The following ADGRL2 variants were observed in gnomAD, a reference collection of about 807,000 sequenced individuals.
ADGRL2 encodes the protein calcium-independent alpha-latrotoxin receptor 2.
A neutral mutation model predicts 157.4 loss-of-function variants in ADGRL2; 44 were observed. The observed-to-expected ratio is 0.28, with a 90% confidence interval of 0.22 to 0.36. The LOEUF (loss-of-function observed/expected upper bound fraction) is 0.36, where lower values mean the gene tolerates loss of function less well. Ranked by LOEUF, ADGRL2 falls within the 10% of genes least tolerant of loss-of-function variation. The probability of loss-of-function intolerance (pLI) is 1.00; values close to 1 mark genes in which losing one functional copy is unlikely to be tolerated. For synonymous variants in ADGRL2, 585 were observed against 624.7 expected, an observed-to-expected ratio of 0.94 and a Z score of 0.95; for missense variants, 1,510 against 1,768.9, an observed-to-expected ratio of 0.85 and a Z score of 2.63.
At chr1:81,423,817 T>G (rs75660414) in intron 1 of ADGRL2, among the ~76,000 whole-genome samples, 2,499 of 152,236 alleles carry the variant, frequency 0.016, 72 homozygotes, top group African/African-American at 0.058. Flanking sequence ...CAACAACCCA[T>G]GTCATTACTG....
At chr1:81,596,468 C>A in intron 3 of ADGRL2, 2 of 455,506 alleles carry the variant, frequency 4.4e-6, no homozygotes, top group Non-Finnish European at 4.3e-6. Flanking sequence ...TTGTCACCTC[C>A]GGCTCCAAGG....
intron 3 of ADGRL2, among the ~76,000 whole-genome samples, chr1:81,920,678 T>C (rs2148591420): frequency 6.6e-6 from 1 of 152,264 alleles, no homozygotes; most frequent in South Asian, 2.1e-4. Flanking sequence ...GCACTGGAGT[T>C]CGCCTTCTCA....
intron 2 of ADGRL2, among the ~76,000 whole-genome samples, chr1:81,877,935 A>C (rs2093884388): frequency 6.6e-6 from 1 of 152,114 alleles, no homozygotes. Context: ...AAGAAAGAAA[A>C]ATCTCTGTAA....
chr1:81,308,425 G>A (rs1041065687), intron 1 of ADGRL2, among the ~76,000 whole-genome samples: 1 of 152,120 alleles, frequency 6.6e-6, no homozygotes, highest in Non-Finnish European at 1.5e-5. Context: ...CTTAACAGAT[G>A]GAAAGGTGCG....
chr1:81,348,698 T>A (rs1238974504), intron 1 of ADGRL2, among the ~76,000 whole-genome samples: 1 of 152,154 alleles, frequency 6.6e-6, no homozygotes, highest in Non-Finnish European at 1.5e-5. Flanking sequence ...CAAAGACTTC[T>A]CTTTCTTGCT....
intron 1 of ADGRL2, among the ~76,000 whole-genome samples, chr1:81,723,853 T>C (rs1396495642): frequency 6.6e-6 from 1 of 152,152 alleles, no homozygotes; most frequent in African/African-American, 2.4e-5. Context: ...TGCAGTAGAA[T>C]TGGAGTACTT....
intron 1 of ADGRL2, among the ~76,000 whole-genome samples, chr1:81,333,944 C>T (rs1661454775): frequency 6.6e-6 from 1 of 152,074 alleles, no homozygotes; most frequent in Non-Finnish European, 1.5e-5. Context: ...TTATTGGTAA[C>T]TTCATTCAAT....
At chr1:81,609,303 G>T (rs1570629159) in intron 3 of ADGRL2, among the ~76,000 whole-genome samples, 1 of 152,184 alleles carries the variant, frequency 6.6e-6, no homozygotes, top group East Asian at 1.9e-4. Context: ...GCCTCTCAAA[G>T]TGTCAGGATT....
At chr1:81,915,972 T>C (rs1363614569) in intron 3 of ADGRL2, among the ~76,000 whole-genome samples, 1 of 152,154 alleles carries the variant, frequency 6.6e-6, no homozygotes, top group Non-Finnish European at 1.5e-5. Flanking sequence ...TATCATCACA[T>C]ACCTTGTAGT....
chr1:81,383,649 T>C (rs1235611925), intron 1 of ADGRL2, among the ~76,000 whole-genome samples: 1 of 141,200 alleles, frequency 7.1e-6, no homozygotes, highest in Non-Finnish European at 1.5e-5. Context: ...AGATCTCTCC[T>C]AAACTACTAG....
At chr1:81,698,099 A>G (rs2083481358), upstream of ADGRL2, among the ~76,000 whole-genome samples, 1 of 152,218 alleles carries the variant, frequency 6.6e-6, no homozygotes, top group South Asian at 2.1e-4. Flanking sequence ...GAGAAAAATG[A>G]TAGCCATTTT....
At chr1:81,404,027 A>C (rs1428694105) in intron 1 of ADGRL2, among the ~76,000 whole-genome samples, 1 of 151,810 alleles carries the variant, frequency 6.6e-6, no homozygotes, top group Non-Finnish European at 1.5e-5. Context: ...CGATCTCTTG[A>C]CCTCGTAATC....
chr1:81,475,396 C>T (rs2101889393), intron 2 of ADGRL2, among the ~76,000 whole-genome samples: 1 of 152,276 alleles, frequency 6.6e-6, no homozygotes, highest in Non-Finnish European at 1.5e-5. Flanking sequence ...TGCTGTCTGA[C>T]ATCTTTGCTC....
chr1:81,509,728 G>T (rs2079042028), intron 2 of ADGRL2, among the ~76,000 whole-genome samples: 1 of 152,104 alleles, frequency 6.6e-6, no homozygotes, highest in Admixed American at 6.6e-5. Flanking sequence ...AACAACAACT[G>T]GCATGAAGCT....
In ADGRL2 at chr1:81,752,280, T is replaced by TG. The variant is rs531906279; in HGVS notation, c.-142-9530dup. Among the ~76,000 whole-genome samples the TG allele has an allele frequency of 1.5e-3, 227 of 152,358 alleles. 1 individual carries two copies. Among genetic ancestry groups the TG allele is most frequent in the African/African-American group, 5.3e-3 (219 of 41,590 alleles). On this transcript the variant is annotated intron_variant, in intron 1 of 20. Coordinates refer to the ADGRL2 transcript ENST00000359929. ...GCAGGCAATTGATCTTGGACTTCCCTGCCTCCAGAACTTTGAAAAATACAT... is the reference window on the plus strand; with the variant it reads ...GCAGGCAATTGATCTTGGACTTCCCTGGCCTCCAGAACTTTGAAAAATACAT...
chr1:81,761,585 A>G (rs1358538173), intron 1 of ADGRL2, among the ~76,000 whole-genome samples: 1 of 152,028 alleles, frequency 6.6e-6, no homozygotes, highest in African/African-American at 2.4e-5. Context: ...GGAAAACAAA[A>G]TAGTTTATTC....
rs528283902 is a variant in ADGRL2 at position 81,604,251 on chromosome 1, C to T, written c.-143+23271C>T. Among the ~76,000 whole-genome samples the T allele has an allele frequency of 1.4e-4, 21 of 152,268 alleles. No individual in the cohort carries two copies. The East Asian group carries it at 3.1e-3, about 22-fold the overall frequency. On this transcript the variant is annotated intron_variant, in intron 3 of 24. Coordinates refer to the ADGRL2 transcript ENST00000370721. ...AAGTGCTGGGATTACAGGCGTGAGC[C>T]GCTGTGCCTGGCCTATAAGAACCCA...
intron 1 of ADGRL2, among the ~76,000 whole-genome samples, chr1:81,364,280 C>T (rs1010368563): frequency 6.6e-5 from 10 of 151,970 alleles, no homozygotes; most frequent in African/African-American, 2.4e-4. Context: ...CAAAGCTCAC[C>T]ATTTGTGTTA....
intron 3 of ADGRL2, among the ~76,000 whole-genome samples, chr1:81,676,301 G>A (rs559508208): frequency 4.0e-4 from 60 of 151,432 alleles, no homozygotes; most frequent in Admixed American, 3.6e-3. Context: ...GAGCCACCGC[G>A]CCCGGCCTGT....
Sources: allele counts gnomAD v4.1 joint callset (sites outside exome capture counted in the v4.1 genomes callset), GRCh38; gene constraint gnomAD v4.1.1; transcripts MANE v1.5; gene names NCBI Gene and HGNC (gene_info 2026-07-23, HGNC 2026-07-21).